MYO7A: variants seen among roughly 807,000 people sequenced by gnomAD.
MYO7A encodes the protein unconventional myosin-VIIa.
In MYO7A, 210 loss-of-function variants were observed where a neutral mutation model predicts 263.8. That is an observed-to-expected ratio of 0.80 (90% CI 0.71 to 0.89). The LOEUF is 0.89. Among genes scored for constraint, MYO7A ranks in the 40% least tolerant of loss-of-function variants. The pLI, the probability that MYO7A is intolerant of heterozygous loss-of-function variation, is 0.00. For missense variants in MYO7A, 2,820 were observed against 2,968.3 expected (o/e 0.95, Z 1.16); for synonymous variants, 1,239 against 1,197.3 (o/e 1.03, Z -0.72).
intron 2 of MYO7A, among the ~76,000 whole-genome samples, chr11:77,135,584 T>C (rs57796985): frequency 0.062 from 9,410 of 152,308 alleles, 452 homozygotes; most frequent in East Asian, 0.24. Flanking sequence ...TGAGTATATA[T>C]CCAGAAGTAG....
chr11:77,168,838 C>T (rs539123731), intron 15 of MYO7A, among the ~76,000 whole-genome samples: 2 of 152,206 alleles, frequency 1.3e-5, no homozygotes, highest in East Asian at 1.9e-4. Flanking sequence ...CCCAGAGAGG[C>T]CAAGGTGCTC....
At chr11:77,214,572 C>CGT in intron 48 of MYO7A, 35 bp from the exon 49 acceptor site, 7 of 1,464,888 alleles carry the variant, frequency 4.8e-6, no homozygotes, top group Non-Finnish European at 5.6e-6. Context: ...CCTGTCCCAC[C>CGT]GTGTGCTCGC....
chr11:77,207,861 C>A (rs1957558477), intron 42 of MYO7A, among the ~76,000 whole-genome samples: 1 of 152,170 alleles, frequency 6.6e-6, no homozygotes. Flanking sequence ...GCTCTAAAGC[C>A]CACGCCCCTG....
At chr11:77,161,778 G>A (rs549688623) in intron 12 of MYO7A, among the ~76,000 whole-genome samples, 3 of 152,294 alleles carry the variant, frequency 2.0e-5, no homozygotes, top group Admixed American at 1.3e-4. Flanking sequence ...CAGCCTCTGG[G>A]GTCTTTCTCT....
At position 77,166,123 on chromosome 11, in the gene MYO7A, C is replaced by T; in HGVS notation, c.1758C>T (p.Asn586=). The T allele has an allele frequency of 2.5e-6, 4 of 1,613,930 alleles. No individual in the cohort carries two copies. The highest frequency in any genetic ancestry group is 3.4e-6 in the Non-Finnish European group (4 of 1,179,878). The change falls in exon 15 of 49, where the codon AAC becomes AAT. Residue 586 remains asparagine, a synonymous_variant. Coordinates refer to ENST00000409709, the MANE Select transcript of MYO7A (RefSeq NM_000260.4). ...DIIQLVHSSR[N]KFIKQIFQAD... ...TCCAGCTGGTCCACTCCTCCAGGAA[C>T]AAGTTCATCAAGCAGATCTTCCAGG...
intron 11 of MYO7A, among the ~76,000 whole-genome samples, chr11:77,160,622 C>A (rs781898110): frequency 5.9e-5 from 9 of 152,094 alleles, no homozygotes; most frequent in East Asian, 3.9e-4. Flanking sequence ...ATTCATCGAG[C>A]CTTCACCCAC....
At chr11:77,206,258 G>A in intron 41 of MYO7A, 56 bp downstream of exon 41, 1 of 1,383,146 alleles carries the variant, frequency 7.2e-7, no homozygotes, top group East Asian at 2.4e-5. Flanking sequence ...GGGCTTCCTG[G>A]GTGGACACCA....
chr11:77,209,973 C>T (rs1345444372), intron 44 of MYO7A, among the ~76,000 whole-genome samples: 1 of 152,212 alleles, frequency 6.6e-6, no homozygotes, highest in Non-Finnish European at 1.5e-5. Context: ...TCAAGTGTGC[C>T]ACAGGGCCTT....
rs375867186 is a variant in MYO7A, at chr11:77,160,268, G to C, written c.1186G>C (p.Asp396His). ...CAGGGAACAGGCACTGGACGTGCGC[G>C]ACGCCTTCGTAAAGGTGGGCTGGAG... ...LSREQALDVR[D>H]AFVKGIYGRL... The change falls in exon 11 of 49, where the codon GAC (aspartate) becomes CAC (histidine). Residue 396 changes from aspartate (D) to histidine (H), a missense_variant. By Grantham distance (81) the Asp-to-His change is moderately conservative (BLOSUM62 -1). Coordinates refer to ENST00000409709, the MANE Select transcript of MYO7A (RefSeq NM_000260.4). The C allele has an allele frequency of 6.4e-7, 1 of 1,565,934 alleles. No individual in the cohort carries two copies. Among genetic ancestry groups the C allele is most frequent in the Non-Finnish European group, 8.6e-7 (1 of 1,156,150 alleles).
intron 36 of MYO7A, among the ~76,000 whole-genome samples, 190 bp downstream of exon 36, chr11:77,201,828 C>T (rs1476063361): frequency 7.1e-6 from 1 of 140,506 alleles, no homozygotes; most frequent in Non-Finnish European, 1.5e-5. Flanking sequence ...CTAGAAATGG[C>T]ATCAGATGAG....
At chr11:77,201,752 G>A (rs1957078294) in intron 36 of MYO7A, 114 bp downstream of exon 36, 10 of 1,179,944 alleles carry the variant, frequency 8.5e-6, no homozygotes, top group Non-Finnish European at 1.2e-5. Context: ...AGATGATCTT[G>A]GGATCTTATG....
At chr11:77,187,760 C>T (rs1955750151) in intron 27 of MYO7A, among the ~76,000 whole-genome samples, 1 of 152,188 alleles carries the variant, frequency 6.6e-6, no homozygotes, top group African/African-American at 2.4e-5. Flanking sequence ...GTCGGGAGAG[C>T]TGATGCCATG....
Position 77,155,986 on chromosome 11 carries a change from A to G in MYO7A, c.365A>G (p.Tyr122Cys), listed in dbSNP as rs782124298. 6.2e-7 allele frequency: 1 copy of G among 1,613,720 alleles called. No individual in the cohort carries two copies. Among genetic ancestry groups the G allele is most frequent in the Non-Finnish European group, 8.5e-7 (1 of 1,179,806 alleles). ...TACTCGCCAGAGCACATCCGCCAGT[A>G]TACCAACAAGAAGATTGGGGAGATG... Reference protein sequence around the residue: ...SIYSPEHIRQYTNKKIGEMPP... With the variant: ...SIYSPEHIRQCTNKKIGEMPP... The change falls in exon 5 of 49, where the codon TAT becomes TGT. Residue 122 changes from tyrosine (Y) to cysteine (C), a missense_variant. Coordinates refer to ENST00000409709, the MANE Select transcript of MYO7A (RefSeq NM_000260.4).
rs782588528 is a variant in MYO7A at position 77,184,880 on chromosome 11, G to A, written c.3503+165G>A. ...TGGTGGAGTTATTTCATCTTTCTAA[G>A]CCTCTGATTCCTTGTCTGTAAAGGG... On this transcript the variant is annotated intron_variant, in intron 27 of 48. Transcript: ENST00000409709. 2.5e-5 allele frequency: 30 copies of A among 1,197,912 alleles called. No homozygotes were observed. The South Asian group carries it at 3.9e-4, about 16-fold the overall frequency. 74.2% of individuals were successfully genotyped at this position (1,197,912 alleles called of 1,614,324 possible).
In MYO7A at chr11:77,161,392, G is replaced by A. The variant is rs75867045; in HGVS notation, c.1343+277G>A. Among the ~76,000 whole-genome samples, 51 of 152,284 alleles carry A rather than the reference G, an allele frequency of 3.3e-4. No homozygotes were observed. The East Asian group carries it at 6.2e-3, about 18-fold the overall frequency. On this transcript the variant is annotated intron_variant, in intron 12 of 48. Transcript: ENST00000409709. ...TCTCCAGGACCCACTGGCCACTGCC[G>A]ATCTGCCCAGATCCATGCTGCAAGG...
At chr11:77,184,557 T>C in intron 26 of MYO7A, 31 bp from the exon 27 acceptor site, 1 of 1,546,520 alleles carries the variant, frequency 6.5e-7, no homozygotes, top group African/African-American at 1.4e-5. Flanking sequence ...ACCCCTAACT[T>C]TACCTGCCCT....
rs1462700871 is a variant in MYO7A, at chr11:77,213,020, C to G, written c.6423C>G (p.Ile2141Met). 5 of 1,581,148 alleles carry G rather than the reference C, an allele frequency of 3.2e-6. No individual in the cohort carries two copies. Among genetic ancestry groups the G allele is most frequent in the Non-Finnish European group, 4.3e-6 (5 of 1,162,776 alleles). The change falls in exon 47 of 49, where the codon ATC (isoleucine) becomes ATG (methionine). Residue 2141 changes from isoleucine (I) to methionine (M), a missense_variant. Ile to Met is a conservative substitution (Grantham distance 10). Transcript: ENST00000409709. Reference sequence around the variant, plus strand: ...TCAACAAGTATGGGGTCAGCCTCATCGATCCCAAAACGAAGGTGAGCAGGG... The same window carrying G: ...TCAACAAGTATGGGGTCAGCCTCATGGATCCCAAAACGAAGGTGAGCAGGG... The part of the protein sequence containing the change: ...IAINKYGVSL[I>M]DPKTKDILTT...
chr11:77,151,470 G>T (rs1402207347), intron 4 of MYO7A, among the ~76,000 whole-genome samples: 1 of 152,164 alleles, frequency 6.6e-6, no homozygotes, highest in Non-Finnish European at 1.5e-5. Context: ...GAAGTCCCCA[G>T]AGCCGACAGG....
At chr11:77,200,022 G>A (rs1385614069) in intron 35 of MYO7A, among the ~76,000 whole-genome samples, 1 of 152,180 alleles carries the variant, frequency 6.6e-6, no homozygotes, top group Non-Finnish European at 1.5e-5. Flanking sequence ...CAATCCCAGA[G>A]CTTTGGGAGG....
Sources: gnomAD v4.1 joint callset for allele counts (sites outside exome capture counted in the v4.1 genomes callset) on GRCh38, gnomAD v4.1.1 for gene constraint, MANE v1.5 for transcripts, NCBI Gene and HGNC (gene_info 2026-07-23, HGNC 2026-07-21) for gene names.